IL34: variants seen among roughly 807,000 people sequenced by gnomAD.
IL34 encodes interleukin 34, also known as interleukin-34.
Under a neutral mutation model 25.3 loss-of-function variants are expected in IL34, and 17 were observed. That is an observed-to-expected ratio of 0.67 (90% confidence interval 0.46 to 1.01). The LOEUF is 1.01. Among genes scored for constraint, IL34 ranks in the 50% least tolerant of loss-of-function variants. IL34 has a pLI of 0.00. For missense variants in IL34, 368 were observed against 312.9 expected (o/e 1.18, Z -1.33); for synonymous variants, 174 against 140.9 (o/e 1.23, Z -1.66).
intron 1 of IL34, among the ~76,000 whole-genome samples, chr16:70,630,401 T>G (rs1235492149): frequency 6.6e-6 from 1 of 151,760 alleles, no homozygotes; most frequent in African/African-American, 2.4e-5. Flanking sequence ...CTGGCTAAGT[T>G]TTGTATTTTT....
chr16:70,630,208 T>A (rs999463441), intron 1 of IL34, among the ~76,000 whole-genome samples: 2 of 152,204 alleles, frequency 1.3e-5, no homozygotes, highest in Non-Finnish European at 2.9e-5. Flanking sequence ...AGTACTCCAT[T>A]CTGTATATGT....
intron 1 of IL34, among the ~76,000 whole-genome samples, chr16:70,605,876 T>C (rs1246604342): frequency 3.3e-5 from 5 of 151,818 alleles, no homozygotes; most frequent in Non-Finnish European, 7.4e-5. Context: ...TTCATCATGT[T>C]GGCCAGGCTG....
At chr16:70,597,834 G>A (rs942066075) in intron 1 of IL34, among the ~76,000 whole-genome samples, 1 of 152,066 alleles carries the variant, frequency 6.6e-6, no homozygotes, top group Non-Finnish European at 1.5e-5. Context: ...CCAGGCCCTG[G>A]AGATGCAGTT....
rs564957768 is a variant in IL34 at position 70,582,013 on chromosome 16, GT to G, written c.-401+1965del. Reference sequence around the variant, plus strand: ...TGTGAAGCATCTAGCATAAGGTCTGGTGCTTAACAAGCACCCCTGGAGGCCC... The same window carrying G: ...TGTGAAGCATCTAGCATAAGGTCTGGGCTTAACAAGCACCCCTGGAGGCCC... On this transcript the variant is annotated intron_variant, in intron 1 of 6. Coordinates refer to the IL34 transcript ENST00000429149. Among the ~76,000 whole-genome samples, 16 of 152,324 alleles carry G rather than the reference GT, an allele frequency of 1.1e-4. No homozygotes were observed. The East Asian group carries it at 2.9e-3, about 28-fold the overall frequency.
At chr16:70,620,786 T>A (rs967234466) in intron 1 of IL34, among the ~76,000 whole-genome samples, 1 of 152,056 alleles carries the variant, frequency 6.6e-6, no homozygotes, top group Non-Finnish European at 1.5e-5. Flanking sequence ...TACTGTCGAG[T>A]TTGTATTGGG....
At chr16:70,602,098 A>T (rs1726147329) in intron 1 of IL34, among the ~76,000 whole-genome samples, 1 of 152,184 alleles carries the variant, frequency 6.6e-6, no homozygotes, top group Admixed American at 6.5e-5. Context: ...TGAGACTCTG[A>T]AGTTGCAGGA....
intron 1 of IL34, among the ~76,000 whole-genome samples, chr16:70,609,126 G>A (rs1177269825): frequency 6.6e-6 from 1 of 152,098 alleles, no homozygotes; most frequent in Non-Finnish European, 1.5e-5. Flanking sequence ...CGCCCAGGCT[G>A]AAGTGCAGTG....
chr16:70,650,177 G>C (rs542812602), intron 1 of IL34, among the ~76,000 whole-genome samples: 23 of 152,204 alleles, frequency 1.5e-4, no homozygotes, highest in African/African-American at 5.5e-4. Flanking sequence ...GGCACTGGCT[G>C]TGGGGTTCCT....
At chr16:70,621,891 A>G (rs2151838493) in intron 1 of IL34, among the ~76,000 whole-genome samples, 1 of 152,028 alleles carries the variant, frequency 6.6e-6, no homozygotes, top group African/African-American at 2.4e-5. Flanking sequence ...GTCATCAGTT[A>G]AGGCAAGGAC....
chr16:70,632,501 G>A (rs994703651), intron 1 of IL34, among the ~76,000 whole-genome samples: 3 of 152,314 alleles, frequency 2.0e-5, no homozygotes, highest in African/African-American at 7.2e-5. Context: ...TGAATGAATG[G>A]GAAGAGGAGC....
chr16:70,625,480 T>TC (rs1227303190), intron 1 of IL34, among the ~76,000 whole-genome samples: 1 of 151,862 alleles, frequency 6.6e-6, no homozygotes, highest in Non-Finnish European at 1.5e-5. Flanking sequence ...ACTTGCCCCT[T>TC]CCCCAGAAAA....
chr16:70,593,304 C>T (rs1349191770), intron 1 of IL34, among the ~76,000 whole-genome samples: 2 of 152,072 alleles, frequency 1.3e-5, no homozygotes, highest in African/African-American at 4.8e-5. Flanking sequence ...AGTCTAATGT[C>T]AATTTTTTAT....
intron 1 of IL34, among the ~76,000 whole-genome samples, chr16:70,615,816 G>C (rs1273365881): frequency 6.6e-6 from 1 of 152,084 alleles, no homozygotes; most frequent in Non-Finnish European, 1.5e-5. Flanking sequence ...AGCTGAGTGT[G>C]GTGGTGCACA....
chr16:70,636,630 A>ACACACACACACAC (rs1567456726), intron 1 of IL34, among the ~76,000 whole-genome samples: 1 of 128,950 alleles, frequency 7.8e-6, no homozygotes, highest in African/African-American at 3.3e-5. Context: ...CACACACACA[A>ACACACACACACAC]AATTAGCTGG....
chr16:70,657,115 C>T lies in IL34; in HGVS notation c.396C>T (p.Gly132=). The change falls in exon 4 of 6, where the codon GGC becomes GGT. Residue 132 remains glycine (G), a synonymous_variant. Coordinates refer to ENST00000288098, the MANE Select transcript of IL34 (RefSeq NM_001393494.1). ...VETLLLNVQQ[G]LTDVEVSPKV... ...CGCTGCTGCTGAATGTCCAGCAGGG[C>T]CTCACGGTGAGTTGTGTGGAGGAGT... is the stretch of plus-strand genomic sequence containing the variant. 5.0e-6 allele frequency: 8 copies of T among 1,612,324 alleles called. No individual in the cohort carries two copies. The highest frequency in any genetic ancestry group is 8.5e-7 in the Non-Finnish European group (1 of 1,179,586).
intron 1 of IL34, among the ~76,000 whole-genome samples, chr16:70,605,325 C>A (rs544774669): frequency 6.6e-6 from 1 of 152,300 alleles, no homozygotes; most frequent in Non-Finnish European, 1.5e-5. Flanking sequence ...CTATGTGATT[C>A]AAATTTTTAA....
intron 1 of IL34, among the ~76,000 whole-genome samples, chr16:70,633,400 A>G (rs534534820): frequency 9.6e-4 from 144 of 150,486 alleles, no homozygotes; most frequent in South Asian, 3.8e-3. Flanking sequence ...ACCACAGGTG[A>G]GCACCACCAT....
At chr16:70,583,351 C>G (rs2050656162) in intron 1 of IL34, among the ~76,000 whole-genome samples, 1 of 152,012 alleles carries the variant, frequency 6.6e-6, no homozygotes, top group African/African-American at 2.4e-5. Flanking sequence ...ATTCACCTGC[C>G]TCAGCCTTCC....
At chr16:70,644,123 C>T (rs1165961600), upstream of IL34, among the ~76,000 whole-genome samples, 1 of 152,102 alleles carries the variant, frequency 6.6e-6, no homozygotes, top group African/African-American at 2.4e-5. Flanking sequence ...TACAGGCATG[C>T]ACCACCACAC....
Sources: allele counts gnomAD v4.1 joint callset (sites outside exome capture counted in the v4.1 genomes callset), GRCh38; gene constraint gnomAD v4.1.1; transcripts MANE v1.5; gene names NCBI Gene and HGNC (gene_info 2026-07-23, HGNC 2026-07-21).